The following GOLM1 variants were observed in gnomAD, a reference collection of about 807,000 sequenced individuals.
GOLM1 encodes the protein epididymis luminal protein 46.
GOLM1 carries 31 observed loss-of-function variants against 50.5 expected under a neutral mutation model. The ratio of observed to expected loss-of-function variants is 0.61; its 90% CI spans 0.46 to 0.83. The LOEUF is 0.83. GOLM1 is among the 40% of genes least tolerant of loss of function. The pLI is 0.00. For missense variants in GOLM1, 491 were observed against 501.3 expected, an observed-to-expected ratio of 0.98 and a Z score of 0.20; for synonymous variants, 178 against 192.8, an observed-to-expected ratio of 0.92 and a Z score of 0.64.
chr9:86,079,022 T>C, intron 2 of GOLM1, among the ~76,000 whole-genome samples, 170 bp downstream of exon 2: 1 of 152,132 alleles, frequency 6.6e-6, no homozygotes, highest in East Asian at 1.9e-4. Flanking sequence ...CTGCTTGGGG[T>C]CTGGCCCAGG....
At chr9:86,044,513 A>G (rs1361628924) in intron 5 of GOLM1, among the ~76,000 whole-genome samples, 1 of 152,248 alleles carries the variant, frequency 6.6e-6, no homozygotes, top group Non-Finnish European at 1.5e-5. Context: ...GCAATTTGAC[A>G]ATTCACACCC....
At chr9:86,059,899 C>CA (rs139699884) in intron 3 of GOLM1, among the ~76,000 whole-genome samples, 1,667 of 50,726 alleles carry the variant, frequency 0.033, 36 homozygotes, top group Non-Finnish European at 0.039. Flanking sequence ...GAGTCTATCT[C>CA]AAAAAAAAAA....
At chr9:86,035,712 C>T in intron 7 of GOLM1, 87 bp from the exon 8 acceptor site, 1 of 1,225,030 alleles carries the variant, frequency 8.2e-7, no homozygotes, top group Non-Finnish European at 1.1e-6. Context: ...TGGTGCCACT[C>T]AATTCCCAGA....
At chr9:86,051,789 T>C (rs1048147646) in intron 4 of GOLM1, among the ~76,000 whole-genome samples, 1 of 152,126 alleles carries the variant, frequency 6.6e-6, no homozygotes, top group African/African-American at 2.4e-5. Flanking sequence ...GTGGGAAACG[T>C]AGGGTTACAC....
intron 5 of GOLM1, among the ~76,000 whole-genome samples, chr9:86,042,776 G>C (rs975762977): frequency 6.6e-6 from 1 of 152,186 alleles, no homozygotes. Context: ...AATCAAGTAC[G>C]AAGAGCCTTT....
intron 4 of GOLM1, among the ~76,000 whole-genome samples, chr9:86,048,483 CCCA>C (rs1276857522): frequency 3.9e-5 from 6 of 152,186 alleles, no homozygotes; most frequent in East Asian, 3.9e-4. Context: ...AGTTTACACT[CCCA>C]CCAACAGTGT....
intron 6 of GOLM1, among the ~76,000 whole-genome samples, chr9:86,040,508 T>TA (rs1003499006): frequency 1.3e-5 from 2 of 152,158 alleles, no homozygotes; most frequent in African/African-American, 4.8e-5. Context: ...CTGCGAGCTT[T>TA]AAATACGATA....
At chr9:86,033,481 C>G in intron 8 of GOLM1, 86 bp from the exon 9 acceptor site, 1 of 802,834 alleles carries the variant, frequency 1.2e-6, no homozygotes, top group East Asian at 2.6e-5. Flanking sequence ...TGGGGGTTAG[C>G]CATACTTGCT....
rs1833038006 is a variant in GOLM1 at position 86,033,295 on chromosome 9, G to C, written c.1116C>G (p.Asp372Glu). Reference sequence around the variant, plus strand: ...CCCCATTCTTACCATCTATGTTTCTGTCATTCCCTGCCAGGGCTGCTTGCT... The same window carrying C: ...CCCCATTCTTACCATCTATGTTTCTCTCATTCCCTGCCAGGGCTGCTTGCT... ...TDKQAALAGNDRNIDVFNVED... is the reference protein window; with the variant it reads ...TDKQAALAGNERNIDVFNVED... Residue 372 changes from aspartate to glutamate, a missense_variant, in exon 9 of 10, where the codon GAC becomes GAG. Transcript: ENST00000388712. The C allele has an allele frequency of 1.9e-6, 3 of 1,598,566 alleles. No individual in the cohort carries two copies. The highest frequency in any genetic ancestry group is 1.7e-6 in the Non-Finnish European group (2 of 1,165,880).
intron 9 of GOLM1, among the ~76,000 whole-genome samples, chr9:86,031,987 AAAG>A (rs1833002506): frequency 6.6e-6 from 1 of 151,184 alleles, no homozygotes; most frequent in Admixed American, 6.6e-5. Flanking sequence ...TGAAAGAACC[AAAG>A]AACACACCAC....
chr9:86,090,878 C>T (rs1181919518), intron 1 of GOLM1, among the ~76,000 whole-genome samples: 2 of 151,776 alleles, frequency 1.3e-5, no homozygotes, highest in Non-Finnish European at 2.9e-5. Context: ...AACCCAGGGC[C>T]CTGGTGGTGT....
intron 1 of GOLM1, among the ~76,000 whole-genome samples, chr9:86,081,594 G>T (rs900016826): frequency 6.6e-6 from 1 of 151,982 alleles, no homozygotes; most frequent in Non-Finnish European, 1.5e-5. Flanking sequence ...ACTACACACA[G>T]TAGAGTATAA....
chr9:86,063,322 G>A (rs752521374), intron 3 of GOLM1, among the ~76,000 whole-genome samples: 26 of 152,224 alleles, frequency 1.7e-4, no homozygotes, highest in Non-Finnish European at 3.1e-4. Flanking sequence ...GGCACCCCAG[G>A]GCTGAGCCAC....
At chr9:86,083,437 T>G (rs1834847949) in intron 1 of GOLM1, among the ~76,000 whole-genome samples, 1 of 152,168 alleles carries the variant, frequency 6.6e-6, no homozygotes. Flanking sequence ...CAGGCTAGAG[T>G]GCAGTGGCAC....
At chr9:86,081,046 C>T (rs1834766699) in intron 1 of GOLM1, among the ~76,000 whole-genome samples, 1 of 152,052 alleles carries the variant, frequency 6.6e-6, no homozygotes, top group Non-Finnish European at 1.5e-5. Flanking sequence ...CCACCATGCC[C>T]AGCTAATTTT....
At chr9:86,077,755 C>T (rs889528254) in intron 2 of GOLM1, 164 bp from the exon 3 acceptor site, 46 of 576,004 alleles carry the variant, frequency 8.0e-5, no homozygotes, top group Admixed American at 5.1e-4. Context: ...GAAGCTGGAG[C>T]GGTTTCTTCT....
At chr9:86,048,423 G>C (rs946387920) in intron 4 of GOLM1, among the ~76,000 whole-genome samples, 34 of 152,106 alleles carry the variant, frequency 2.2e-4, no homozygotes, top group African/African-American at 7.5e-4. Flanking sequence ...GGTATTTCTA[G>C]TTCTAGATCC....
At position 86,099,469 on chromosome 9, in the gene GOLM1, G is replaced by C. The variant is rs1290030539; in HGVS notation, c.-80C>G. 1 of 150,988 alleles carries C rather than the reference G, an allele frequency of 6.6e-6. No homozygotes were observed. Among genetic ancestry groups the C allele is most frequent in the African/African-American group, 2.4e-5 (1 of 41,208 alleles). The allele number at this position is 150,988 out of a possible 1,614,324, so 9.4% of individuals were successfully genotyped here. A position where few individuals can be genotyped will look rare whatever the true frequency, so the allele number is the denominator to read the frequency against. Reference sequence around the variant, plus strand: ...CCGGGGCCCCGCTACGAGGCCGCCCGGGTCGCTCTCCCGCCGCCGCCGGCC... The same window carrying C: ...CCGGGGCCCCGCTACGAGGCCGCCCCGGTCGCTCTCCCGCCGCCGCCGGCC... On this transcript the variant is annotated 5_prime_UTR_variant, in exon 1 of 10. Transcript: ENST00000388712.
intron 4 of GOLM1, 99 bp downstream of exon 4, chr9:86,052,438 G>A: frequency 1.1e-6 from 1 of 935,108 alleles, no homozygotes; most frequent in Middle Eastern, 2.2e-4. Flanking sequence ...TATCCGCCAT[G>A]AGATTATAAT....
Sources: allele counts gnomAD v4.1 joint callset (sites outside exome capture counted in the v4.1 genomes callset), GRCh38; gene constraint gnomAD v4.1.1; transcripts MANE v1.5; gene names NCBI Gene and HGNC (gene_info 2026-07-23, HGNC 2026-07-21).